Variants in PDCD2L observed in about 807,000 individuals in gnomAD.
The protein encoded by PDCD2L is uS5 assembly chaperone PDCD2L.
Under a neutral mutation model 40.4 loss-of-function variants are expected in PDCD2L, and 44 were observed. The ratio of observed to expected loss-of-function variants is 1.09; its 90% CI spans 0.86 to 1.40. The LOEUF is 1.40. Among genes scored for constraint, PDCD2L ranks in the 40% most tolerant of loss-of-function variants. PDCD2L has a pLI of 0.00. For synonymous variants in PDCD2L, 194 were observed against 174.6 expected, an observed-to-expected ratio of 1.11 and a Z score of -0.88; for missense variants, 470 against 453.7, an observed-to-expected ratio of 1.04 and a Z score of -0.33.
chr19:34,412,269 C>T (rs1487587476), intron 4 of PDCD2L, among the ~76,000 whole-genome samples: 2 of 151,890 alleles, frequency 1.3e-5, no homozygotes, highest in Admixed American at 6.6e-5. Context: ...CCACCTGCCT[C>T]GGCCTTCCAA....
In PDCD2L at chr19:34,404,834, G is replaced by T; in HGVS notation, c.275+19G>T. The T allele has an allele frequency of 6.2e-7, 1 of 1,603,966 alleles. No individual in the cohort carries two copies. The highest frequency in any genetic ancestry group is 8.5e-7 in the Non-Finnish European group (1 of 1,176,522). On this transcript the variant is annotated intron_variant, in intron 2 of 6. Coordinates refer to ENST00000246535, the MANE Select transcript of PDCD2L (RefSeq NM_032346.2). The stretch of plus-strand genomic sequence containing the variant: ...CGCGCAGGTAGGCGGGGAAGTCCCA[G>T]AGCTGCTCCAGGGGTGTCCTTTCCA...
At chr19:34,411,963 C>CATGT (rs1555724500) in intron 4 of PDCD2L, among the ~76,000 whole-genome samples, 1 of 137,672 alleles carries the variant, frequency 7.3e-6, no homozygotes. Context: ...ATGAAAAATA[C>CATGT]ATATATATAT....
chr19:34,417,307 A>G (rs2075130527), intron 5 of PDCD2L, among the ~76,000 whole-genome samples: 1 of 152,090 alleles, frequency 6.6e-6, no homozygotes, highest in South Asian at 2.1e-4. Flanking sequence ...TATCTAATAC[A>G]TATAGAATAT....
chr19:34,406,735 TAAAAA>T (rs1159416902), intron 3 of PDCD2L, among the ~76,000 whole-genome samples: 2 of 150,742 alleles, frequency 1.3e-5, no homozygotes, highest in Admixed American at 6.6e-5. Flanking sequence ...CAGTAGAACT[TAAAAA>T]AAACCCACAT....
At chr19:34,411,243 CTTT>C (rs34836648) in intron 4 of PDCD2L, among the ~76,000 whole-genome samples, 3 of 99,246 alleles carry the variant, frequency 3.0e-5, no homozygotes, top group Non-Finnish European at 2.0e-5. Flanking sequence ...TGGTTATGGC[CTTT>C]TTTTTTTTTT....
At chr19:34,411,243 C>CTT (rs34836648) in intron 4 of PDCD2L, among the ~76,000 whole-genome samples, 41 of 99,218 alleles carry the variant, frequency 4.1e-4, no homozygotes, top group South Asian at 6.6e-4. Flanking sequence ...TGGTTATGGC[C>CTT]TTTTTTTTTT....
chr19:34,422,564 G>A (rs1464809617), intron 6 of PDCD2L, among the ~76,000 whole-genome samples: 1 of 152,048 alleles, frequency 6.6e-6, no homozygotes, highest in East Asian at 1.9e-4. Context: ...CAAATAGCAA[G>A]TCAGATGAAT....
At chr19:34,415,846 C>T (rs1322086412) in intron 5 of PDCD2L, among the ~76,000 whole-genome samples, 1 of 152,142 alleles carries the variant, frequency 6.6e-6, no homozygotes, top group Non-Finnish European at 1.5e-5. Flanking sequence ...CAGAAATTTC[C>T]GGCATGGTTA....
At chr19:34,406,874 C>T (rs144313087) in intron 3 of PDCD2L, among the ~76,000 whole-genome samples, 5,575 of 146,068 alleles carry the variant, frequency 0.038, 170 homozygotes, top group Admixed American at 0.099. Flanking sequence ...CTCTTGTTGC[C>T]CATGCTGGAG....
At chr19:34,418,930 T>G (rs1226228433) in intron 5 of PDCD2L, among the ~76,000 whole-genome samples, 1 of 152,224 alleles carries the variant, frequency 6.6e-6, no homozygotes, top group Non-Finnish European at 1.5e-5. Context: ...TTGGATAATG[T>G]GTCATTCAAA....
intron 4 of PDCD2L, among the ~76,000 whole-genome samples, chr19:34,412,590 C>G (rs1477633261): frequency 6.6e-6 from 1 of 151,758 alleles, no homozygotes; most frequent in Admixed American, 6.6e-5. Context: ...TGTTGGCGCA[C>G]ACTTGCAATC....
At chr19:34,411,015 C>T (rs1004217529) in intron 4 of PDCD2L, among the ~76,000 whole-genome samples, 1 of 151,472 alleles carries the variant, frequency 6.6e-6, no homozygotes. Context: ...AATCTCTTGA[C>T]CTCGTGATCC....
At chr19:34,419,044 C>T (rs2075137424) in intron 5 of PDCD2L, among the ~76,000 whole-genome samples, 1 of 152,138 alleles carries the variant, frequency 6.6e-6, no homozygotes, top group Admixed American at 6.6e-5. Context: ...CAAACAGATT[C>T]TGACAGATGG....
rs559359171 is a variant in PDCD2L, at chr19:34,405,897, A to AAAAAC, written c.336+927_336+931dup. Among the ~76,000 whole-genome samples, 12 of 152,134 alleles carry AAAAAC rather than the reference A, an allele frequency of 7.9e-5. No homozygotes were observed. The East Asian group carries it at 1.4e-3, about 17-fold the overall frequency. ...CTCCAGCGTGGGTGACAGACTCCGT[A>AAAAAC]AAAACAAAACAAAACAAAACAAAAG... On this transcript the variant is annotated intron_variant, in intron 3 of 6. Transcript: ENST00000246535.
chr19:34,416,652 A>G (rs1429857053), intron 5 of PDCD2L, among the ~76,000 whole-genome samples: 2 of 152,242 alleles, frequency 1.3e-5, no homozygotes, highest in South Asian at 2.1e-4. Context: ...CAGGAAATCA[A>G]TGAGAACCTC....
chr19:34,406,807 G>T (rs1333182995), intron 3 of PDCD2L, among the ~76,000 whole-genome samples: 1 of 144,416 alleles, frequency 6.9e-6, no homozygotes, highest in Non-Finnish European at 1.5e-5. Flanking sequence ...TATTCTTCCC[G>T]CTCCAGGTTT....
chr19:34,424,547 G>A (rs554136244), intron 6 of PDCD2L, among the ~76,000 whole-genome samples: 5 of 151,986 alleles, frequency 3.3e-5, no homozygotes, highest in Non-Finnish European at 5.9e-5. Flanking sequence ...TATACTTCCT[G>A]GGTCTTGGGT....
chr19:34,407,341 C>T (rs974771208), intron 3 of PDCD2L, among the ~76,000 whole-genome samples: 3 of 151,768 alleles, frequency 2.0e-5, no homozygotes, highest in East Asian at 2.0e-4. Context: ...GGGGTTTCAC[C>T]GTGTAGCCAG....
At chr19:34,409,607 C>G in intron 4 of PDCD2L, 97 bp downstream of exon 4, 1 of 1,112,344 alleles carries the variant, frequency 9.0e-7, no homozygotes, top group Non-Finnish European at 1.3e-6. Flanking sequence ...GGGAAACTTT[C>G]AGGCAGAACT....
Sources: gnomAD v4.1 joint callset for allele counts (sites outside exome capture counted in the v4.1 genomes callset) on GRCh38, gnomAD v4.1.1 for gene constraint, MANE v1.5 for transcripts, NCBI Gene and HGNC (gene_info 2026-07-23, HGNC 2026-07-21) for gene names.